CDH19: variants seen among roughly 807,000 people sequenced by gnomAD.
CDH19 encodes cadherin 19, also known as cadherin-19.
Under a neutral mutation model 64.2 loss-of-function variants are expected in CDH19, and 67 were observed. The observed-to-expected ratio is 1.04, with a 90% confidence interval of 0.86 to 1.28. The LOEUF (loss-of-function observed/expected upper bound fraction) is 1.28, where lower values mean the gene tolerates loss of function less well. Among genes scored for constraint, CDH19 ranks in the 50% most tolerant of loss-of-function variants. The pLI is 0.00. For missense variants in CDH19, 1,030 were observed against 929.0 expected (o/e 1.11, Z -1.41); for synonymous variants, 346 against 319.3 (o/e 1.08, Z -0.89).
chr18:66,568,764 C>A, intron 2 of CDH19, 54 bp from the exon 3 acceptor site: 1 of 1,384,710 alleles, frequency 7.2e-7, no homozygotes, highest in Non-Finnish European at 9.7e-7. Context: ...ATGGACAAAT[C>A]AAAATCAAGA....
At chr18:66,523,415 C>T (rs1042681643) in intron 9 of CDH19, among the ~76,000 whole-genome samples, 10 of 152,150 alleles carry the variant, frequency 6.6e-5, no homozygotes, top group Non-Finnish European at 1.5e-4. Flanking sequence ...CAGCTTCAGC[C>T]CTCCTTGGAG....
chr18:66,513,347 T>C (rs551754171), intron 9 of CDH19, among the ~76,000 whole-genome samples: 1 of 151,640 alleles, frequency 6.6e-6, no homozygotes, highest in South Asian at 2.1e-4. Flanking sequence ...ATTTCAACAG[T>C]CTGCCTCCTT....
chr18:66,596,324 A>G (rs1010602580), intron 1 of CDH19: 1 of 152,196 alleles, frequency 6.6e-6, no homozygotes, highest in African/African-American at 2.4e-5. Flanking sequence ...AAATAAGTCA[A>G]GATACAGAAT....
intron 7 of CDH19, among the ~76,000 whole-genome samples, chr18:66,542,751 T>C (rs923172340): frequency 3.3e-5 from 5 of 152,110 alleles, no homozygotes; most frequent in Admixed American, 2.0e-4. Context: ...CCTCTTCTCA[T>C]ATCCACGGCA....
At chr18:66,513,034 G>T (rs910142057) in intron 9 of CDH19, among the ~76,000 whole-genome samples, 3 of 151,406 alleles carry the variant, frequency 2.0e-5, no homozygotes, top group African/African-American at 7.3e-5. Flanking sequence ...ATGGTGTCCT[G>T]AATATTGTTA....
In CDH19 at chr18:66,529,925, C is replaced by T. The variant is rs765751379; in HGVS notation, c.1378G>A (p.Val460Ile). 4.5e-6 allele frequency: 7 copies of T among 1,572,412 alleles called. No homozygotes were observed. The South Asian group carries it at 6.8e-5, about 15-fold the overall frequency. The change falls in exon 9 of 12, where the codon GTT becomes ATT. Residue 460 changes from valine (V) to isoleucine (I), a missense_variant. Physicochemically the swap from Val to Ile is conservative, Grantham distance 29. Transcript: ENST00000262150. The part of the protein sequence containing the change: ...QISSIPLYVQ[V>I]LNINDHAPEF... ...GGAGCATGATCATTGATGTTAAGAA[C>T]TTGCACATACAGTGGGATCGAAGAG... is the stretch of plus-strand genomic sequence containing the variant.
intron 2 of CDH19, among the ~76,000 whole-genome samples, chr18:66,570,220 T>G (rs1360473694): frequency 6.6e-6 from 1 of 151,558 alleles, no homozygotes; most frequent in Non-Finnish European, 1.5e-5. Flanking sequence ...ATAAATTAAG[T>G]TTAGTAATAA....
chr18:66,509,321 G>C, intron 10 of CDH19, 75 bp from the exon 11 acceptor site: 1 of 1,272,106 alleles, frequency 7.9e-7, no homozygotes, highest in Non-Finnish European at 1.1e-6. Flanking sequence ...ACATGTGCTA[G>C]GGACAATAGT....
chr18:66,582,638 C>CT (rs1656012445), intron 1 of CDH19, among the ~76,000 whole-genome samples: 1 of 59,572 alleles, frequency 1.7e-5, no homozygotes, highest in Non-Finnish European at 3.1e-5. Flanking sequence ...CTTACTGTCA[C>CT]CAAAAAAAAA....
At chr18:66,560,521 C>T (rs1237750762) in intron 3 of CDH19, among the ~76,000 whole-genome samples, 2 of 151,578 alleles carry the variant, frequency 1.3e-5, no homozygotes, top group East Asian at 3.9e-4. Flanking sequence ...AACAATAAAA[C>T]TTTCAGAAAA....
At chr18:66,536,030 G>GA (rs1197249688) in intron 7 of CDH19, among the ~76,000 whole-genome samples, 49 of 138,588 alleles carry the variant, frequency 3.5e-4, no homozygotes, top group Non-Finnish European at 2.8e-4. Flanking sequence ...TTCTCCCAAG[G>GA]GAAAAAAAAA....
chr18:66,508,534 T>C (rs1410449158), intron 11 of CDH19, among the ~76,000 whole-genome samples: 2 of 151,784 alleles, frequency 1.3e-5, no homozygotes, highest in African/African-American at 4.8e-5. Flanking sequence ...GCTTTTTGAG[T>C]TTCTATTCCT....
rs138009622 is a variant in CDH19 at position 66,594,317 on chromosome 18, G to A, written c.-113+9637C>T. On this transcript the variant is annotated intron_variant, in intron 1 of 11. Transcript: ENST00000262150. The stretch of plus-strand genomic sequence containing the variant: ...TAGATAACCACACAATCATAATTGG[G>A]AGACTTTAACACCCCAATGACAGTA... Among the ~76,000 whole-genome samples, 24 of 152,196 alleles carry A rather than the reference G, an allele frequency of 1.6e-4. No homozygotes were observed. In the East Asian group the frequency reaches 4.6e-3, roughly 29 times the overall value.
rs1454119183 is a variant in CDH19, at chr18:66,595,507, C to G, written c.-113+8447G>C. ...GTCCAAGGGGACATTACCACCGGCC[C>G]CACAGAAAAAAAAAAAAAAAAAAAA... On this transcript the variant is annotated intron_variant, in intron 1 of 11. Transcript: ENST00000262150. Among the ~76,000 whole-genome samples the G allele has an allele frequency of 7.4e-4, 93 of 126,288 alleles. 1 individual carries two copies. The highest frequency in any genetic ancestry group is 1.3e-3 in the Non-Finnish European group (76 of 59,206). The allele number at this position is 126,288 out of a possible 152,430, so 82.8% of individuals were successfully genotyped here.
In CDH19 at chr18:66,551,146, A is replaced by G. The variant is rs201334744; in HGVS notation, c.723T>C (p.Ser241=). ...GQPGALSGTT[S]VLIKLSDVND... is the part of the protein sequence containing the mutation. ...TAACATCTGAAAGTTTAATTAATACACTTGTTGTTCCAGACAACGCTCCTG... is the reference window on the plus strand; with the variant it reads ...TAACATCTGAAAGTTTAATTAATACGCTTGTTGTTCCAGACAACGCTCCTG... The change falls in exon 5 of 12, where the codon AGT becomes AGC. Residue 241 remains serine, a synonymous_variant. Coordinates refer to ENST00000262150, the MANE Select transcript of CDH19 (RefSeq NM_021153.4). The G allele has an allele frequency of 6.2e-6, 10 of 1,608,624 alleles. No homozygotes were observed. The African/African-American group carries it at 6.7e-5, about 11-fold the overall frequency.
chr18:66,582,639 CAAAAAA>C (rs11410904), intron 1 of CDH19, among the ~76,000 whole-genome samples: 6 of 72,882 alleles, frequency 8.2e-5, no homozygotes, highest in Admixed American at 1.8e-4. Flanking sequence ...TTACTGTCAC[CAAAAAA>C]AAAAAAAAAA....
chr18:66,520,003 G>C (rs1304603250), intron 9 of CDH19, among the ~76,000 whole-genome samples: 1 of 151,986 alleles, frequency 6.6e-6, no homozygotes, highest in Non-Finnish European at 1.5e-5. Flanking sequence ...GGCTAACATG[G>C]TGAAACCCCA....
chr18:66,526,254 A>G (rs1986215838), intron 9 of CDH19, among the ~76,000 whole-genome samples: 1 of 152,152 alleles, frequency 6.6e-6, no homozygotes, highest in South Asian at 2.1e-4. Flanking sequence ...TTTTAAGCAT[A>G]GTATACATAT....
At chr18:66,551,051 C>T (rs1366518040) in intron 5 of CDH19, 43 bp downstream of exon 5, 2 of 1,084,426 alleles carry the variant, frequency 1.8e-6, no homozygotes, top group Non-Finnish European at 1.4e-6. Flanking sequence ...TTAACACACT[C>T]ATATTTATAA....
Sources: allele counts gnomAD v4.1 joint callset (sites outside exome capture counted in the v4.1 genomes callset), GRCh38; gene constraint gnomAD v4.1.1; transcripts MANE v1.5; gene names NCBI Gene and HGNC (gene_info 2026-07-23, HGNC 2026-07-21).